The following RCL1 variants were observed in gnomAD, a reference collection of about 807,000 sequenced individuals.
The protein encoded by RCL1 is RNA terminal phosphate cyclase like 1.
RCL1 carries 24 observed loss-of-function variants against 42.4 expected under a neutral mutation model. The observed-to-expected ratio is 0.57, with a 90% CI of 0.41 to 0.80. RCL1 has a LOEUF of 0.80. Among genes scored for constraint, RCL1 ranks in the 30% least tolerant of loss-of-function variants. The pLI, the probability that RCL1 is intolerant of heterozygous loss-of-function variation, is 0.00. For missense variants in RCL1, 578 were observed against 467.9 expected, an observed-to-expected ratio of 1.24 and a Z score of -2.17; for synonymous variants, 228 against 177.3, an observed-to-expected ratio of 1.29 and a Z score of -2.27.
intron 1 of RCL1, among the ~76,000 whole-genome samples, chr9:4,806,764 G>A (rs531021857): frequency 2.6e-5 from 4 of 152,144 alleles, no homozygotes; most frequent in Admixed American, 6.5e-5. Flanking sequence ...TGGTATCAGG[G>A]TAGCGCTAGT....
chr9:4,850,121 A>G (rs1817677294), intron 8 of RCL1, among the ~76,000 whole-genome samples: 1 of 152,232 alleles, frequency 6.6e-6, no homozygotes, highest in Admixed American at 6.5e-5. Flanking sequence ...TATAAATGAC[A>G]CTGTGAAAGA....
chr9:4,850,482 C>CT (rs112829690), intron 8 of RCL1: 23,052 of 113,978 alleles, frequency 0.2, 2,242 homozygotes, highest in East Asian at 0.51. Context: ...CTTATGGAGG[C>CT]TTTTTTTTTT....
intron 1 of RCL1, among the ~76,000 whole-genome samples, chr9:4,806,119 T>G (rs1018176219): frequency 5.0e-5 from 7 of 140,944 alleles, no homozygotes; most frequent in Non-Finnish European, 1.0e-4. Context: ...ATTTAGGAGG[T>G]TTTTTTTTCC....
chr9:4,813,120 G>T (rs930530181), intron 1 of RCL1, among the ~76,000 whole-genome samples: 3 of 152,162 alleles, frequency 2.0e-5, no homozygotes, highest in African/African-American at 7.2e-5. Context: ...TTCAGTAGGA[G>T]TGGTGATAGT....
intron 3 of RCL1, among the ~76,000 whole-genome samples, chr9:4,831,076 A>G (rs443934): frequency 6.6e-6 from 1 of 151,970 alleles, no homozygotes; most frequent in South Asian, 2.1e-4. Flanking sequence ...GGAATTGTCT[A>G]GGGTCTAACA....
rs1002332883 is a variant in RCL1, at chr9:4,823,483, A to C, written c.137-65A>C. ...TACCTGAATCAGGCATGTGCTCTGG[A>C]AATGTTGACCTGACATGAGGACAGT... On this transcript the variant is annotated intron_variant, in intron 1 of 8. Transcript: ENST00000381750. 18 of 1,281,846 alleles carry C rather than the reference A, an allele frequency of 1.4e-5. No individual in the cohort carries two copies. The African/African-American group carries it at 2.5e-4, about 18-fold the overall frequency. 79.4% of individuals were successfully genotyped at this position (1,281,846 alleles called of 1,614,324 possible). A position where few individuals can be genotyped will look rare whatever the true frequency, so the allele number is the denominator to read the frequency against.
chr9:4,842,070 T>C (rs1298267928), intron 6 of RCL1, among the ~76,000 whole-genome samples: 1 of 152,226 alleles, frequency 6.6e-6, no homozygotes, highest in Non-Finnish European at 1.5e-5. Flanking sequence ...CTGCTGCCTA[T>C]AGTTAACGAT....
At chr9:4,809,529 C>T (rs561147332) in intron 1 of RCL1, among the ~76,000 whole-genome samples, 46 of 152,200 alleles carry the variant, frequency 3.0e-4, no homozygotes, top group Non-Finnish European at 4.9e-4. Flanking sequence ...AGGCCGGTCT[C>T]GATCTCCTGA....
At chr9:4,844,230 C>G (rs1466005375) in intron 6 of RCL1, among the ~76,000 whole-genome samples, 1 of 152,118 alleles carries the variant, frequency 6.6e-6, no homozygotes, top group East Asian at 1.9e-4. Context: ...ACGGATTGTA[C>G]TGCTGGGAAG....
rs145928156 is a variant in RCL1 at position 4,801,020 on chromosome 9, C to T, written c.136+7793C>T. On this transcript the variant is annotated intron_variant, in intron 1 of 8. Coordinates refer to ENST00000381750, the MANE Select transcript of RCL1 (RefSeq NM_005772.5). ...TTCAGTTTCTCTGCATCCTTTCTAG[C>T]ATTTGGTGTTGTCACTACTTTTATT... is the stretch of plus-strand genomic sequence containing the variant. Among the ~76,000 whole-genome samples, 146 of 152,266 alleles carry T rather than the reference C, an allele frequency of 9.6e-4. 2 individuals carry two copies. The highest frequency in any genetic ancestry group is 3.3e-3 in the African/African-American group (137 of 41,564).
In RCL1 at chr9:4,860,479, A is replaced by T. The variant is rs1818136264; in HGVS notation, c.*204A>T. Reference sequence around the variant, plus strand: ...TTCTCCAGTGGCATTGCCATTGCCCAGGAGGGGCCCAGTCACCATGAGAGC... The same window carrying T: ...TTCTCCAGTGGCATTGCCATTGCCCTGGAGGGGCCCAGTCACCATGAGAGC... On this transcript the variant is annotated 3_prime_UTR_variant, in exon 9 of 9. Coordinates refer to ENST00000381750, the MANE Select transcript of RCL1 (RefSeq NM_005772.5). 1 of 576,372 alleles carries T rather than the reference A, an allele frequency of 1.7e-6. No homozygotes were observed. The highest frequency in any genetic ancestry group is 2.8e-6 in the Non-Finnish European group (1 of 352,558). 35.7% of individuals were successfully genotyped at this position (576,372 alleles called of 1,614,324 possible). A position where few individuals can be genotyped will look rare whatever the true frequency, so the allele number is the denominator to read the frequency against.
At chr9:4,835,077 A>G (rs1377984525) in intron 5 of RCL1, among the ~76,000 whole-genome samples, 1 of 152,220 alleles carries the variant, frequency 6.6e-6, no homozygotes, top group Admixed American at 6.5e-5. Flanking sequence ...GTGGCAGTGC[A>G]CAGTGGTTCT....
At chr9:4,825,618 T>C (rs910998093) in intron 2 of RCL1, among the ~76,000 whole-genome samples, 1 of 152,244 alleles carries the variant, frequency 6.6e-6, no homozygotes, top group Non-Finnish European at 1.5e-5. Flanking sequence ...ATGTTAAATA[T>C]ATTTTTGGTA....
rs1220239625 is a variant in RCL1, at chr9:4,817,410, TAAGTA to T, written c.137-6133_137-6129del. Among the ~76,000 whole-genome samples the T allele has an allele frequency of 7.2e-5, 11 of 152,172 alleles. No individual in the cohort carries two copies. The East Asian group carries it at 1.2e-3, about 16-fold the overall frequency. On this transcript the variant is annotated intron_variant, in intron 1 of 8. Coordinates refer to ENST00000381750, the MANE Select transcript of RCL1 (RefSeq NM_005772.5). Reference sequence around the variant, plus strand: ...GTCCTATCTTATTTCCTTTTACAAATAAGTAAAGTGGTCGATTTATGTTGTATGTT... The same window carrying T: ...GTCCTATCTTATTTCCTTTTACAAATAAGTGGTCGATTTATGTTGTATGTT...
At chr9:4,844,782 C>G in intron 7 of RCL1, 101 bp downstream of exon 7, 1 of 1,190,714 alleles carries the variant, frequency 8.4e-7, no homozygotes. Context: ...GGGCTCAAGC[C>G]AAGGAGATAA....
At chr9:4,794,793 T>C (rs752514212) in intron 1 of RCL1, among the ~76,000 whole-genome samples, 3 of 152,156 alleles carry the variant, frequency 2.0e-5, no homozygotes, top group Non-Finnish European at 4.4e-5. Flanking sequence ...CCCCCTCCAC[T>C]GTATGTGAGC....
At chr9:4,812,473 A>G (rs1046332353) in intron 1 of RCL1, among the ~76,000 whole-genome samples, 2 of 152,054 alleles carry the variant, frequency 1.3e-5, no homozygotes, top group African/African-American at 4.8e-5. Flanking sequence ...TATATTGTGC[A>G]GGTTGGTCTT....
intron 7 of RCL1, among the ~76,000 whole-genome samples, chr9:4,844,943 G>A (rs1260087861): frequency 3.3e-5 from 5 of 152,192 alleles, no homozygotes; most frequent in Non-Finnish European, 7.3e-5. Flanking sequence ...CAGTCATAAA[G>A]GAAAGGGAAG....
chr9:4,850,182 T>A (rs542557140), intron 8 of RCL1: 1 of 417,586 alleles, frequency 2.4e-6, no homozygotes, highest in Non-Finnish European at 5.4e-6. Flanking sequence ...CCTATTTGAG[T>A]ACTGACATTG....
Sources: gnomAD v4.1 joint callset for allele counts (sites outside exome capture counted in the v4.1 genomes callset) on GRCh38, gnomAD v4.1.1 for gene constraint, MANE v1.5 for transcripts, NCBI Gene and HGNC (gene_info 2026-07-23, HGNC 2026-07-21) for gene names.